Variants in ATPAF2 observed in about 807,000 individuals in gnomAD.
ATPAF2 encodes ATP synthase mitochondrial F1 complex assembly factor 2.
In ATPAF2, 30 loss-of-function variants were observed where a neutral mutation model predicts 36.6. The observed-to-expected ratio is 0.82, with a 90% CI of 0.61 to 1.11. The LOEUF is 1.11. Ranked by LOEUF, ATPAF2 falls within the 50% of genes most tolerant of loss-of-function variation. ATPAF2 has a pLI of 0.00. For missense variants in ATPAF2, 321 were observed against 372.3 expected (o/e 0.86, Z 1.13); for synonymous variants, 140 against 152.6 (o/e 0.92, Z 0.61).
downstream of ATPAF2, chr17:18,016,517 T>C: frequency 2.9e-6 from 4 of 1,367,390 alleles, no homozygotes; most frequent in East Asian, 4.6e-5. Context: ...TATTAACCAA[T>C]GATCTGATGT....
In ATPAF2 at chr17:18,018,447, C is replaced by A. The variant is rs1597663507; in HGVS notation, c.*102G>T. ...TCAGGGTGACGCTGAGGCCGAGTCC[C>A]CAAAAGCCAAGGAAGCCAGCCCCAC... On this transcript the variant is annotated 3_prime_UTR_variant, in exon 8 of 8. Transcript: ENST00000474627. 6.4e-7 allele frequency: 1 copy of A among 1,554,466 alleles called. No individual in the cohort carries two copies. Among genetic ancestry groups the A allele is most frequent in the African/African-American group, 1.4e-5 (1 of 73,834 alleles).
intron 4 of ATPAF2, chr17:18,026,022 C>T: frequency 2.0e-6 from 1 of 505,396 alleles, no homozygotes; most frequent in Non-Finnish European, 3.6e-6. Flanking sequence ...GTCACAGGCC[C>T]CCCTAGGCCT....
chr17:18,033,569 C>G (rs1240703101), intron 1 of ATPAF2, among the ~76,000 whole-genome samples: 1 of 151,998 alleles, frequency 6.6e-6, no homozygotes, highest in Non-Finnish European at 1.5e-5. Flanking sequence ...TCATGCAGAA[C>G]TGGCCTTTCC....
At chr17:18,017,305 C>T (rs1373752115), downstream of ATPAF2, among the ~76,000 whole-genome samples, 1 of 150,750 alleles carries the variant, frequency 6.6e-6, no homozygotes, top group African/African-American at 2.4e-5. Context: ...CAGCTAGATT[C>T]TTGGCTGTGG....
intron 1 of ATPAF2, 129 bp from the exon 2 acceptor site, chr17:18,028,788 G>A: frequency 2.2e-6 from 2 of 890,264 alleles, no homozygotes; most frequent in South Asian, 1.3e-5. Context: ...CCCATTCAAG[G>A]TCTGCCCTAC....
Position 18,026,382 on chromosome 17 carries a change from G to A in ATPAF2, c.359C>T (p.Thr120Ile), listed in dbSNP as rs757081360. The change falls in exon 4 of 8, where the codon ACC becomes ATC. Residue 120 changes from threonine to isoleucine, a missense_variant. By Grantham distance (89) the Thr-to-Ile change is moderately conservative. Coordinates refer to ENST00000474627, the MANE Select transcript of ATPAF2 (RefSeq NM_145691.4). ...TLCNTSLDNPTQRNKDQLIRA... is the reference protein window; with the variant it reads ...TLCNTSLDNPIQRNKDQLIRA... ...GATCAGCTGATCCTTGTTTCTCTGG[G>A]TTGGGTTGTCCAATGATGTGTTGCA... 3 of 1,614,106 alleles carry A rather than the reference G, an allele frequency of 1.9e-6. No homozygotes were observed. The highest frequency in any genetic ancestry group is 1.3e-5 in the African/African-American group (1 of 74,936).
intron 5 of ATPAF2, among the ~76,000 whole-genome samples, chr17:18,023,071 G>C (rs1044255774): frequency 4.0e-5 from 6 of 149,994 alleles, no homozygotes; most frequent in Admixed American, 3.4e-4. Flanking sequence ...GGAGCTTGCA[G>C]TGAGCTGAGA....
At chr17:18,019,490 G>A (rs997903576) in intron 7 of ATPAF2, among the ~76,000 whole-genome samples, 7 of 152,270 alleles carry the variant, frequency 4.6e-5, no homozygotes, top group East Asian at 1.9e-4. Flanking sequence ...GTAAGGCCAC[G>A]CAGTGGCTTC....
chr17:18,025,537 A>C (rs2044531029), intron 4 of ATPAF2: 1 of 154,894 alleles, frequency 6.5e-6, no homozygotes, highest in African/African-American at 2.4e-5. Flanking sequence ...CTCTCACCCT[A>C]GTAGGGCACA....
intron 1 of ATPAF2, among the ~76,000 whole-genome samples, chr17:18,037,581 T>G (rs1213881708): frequency 6.6e-6 from 1 of 151,342 alleles, no homozygotes; most frequent in African/African-American, 2.4e-5. Context: ...AGACTCCGTC[T>G]CAAAAAAACA....
chr17:18,033,425 A>C, intron 1 of ATPAF2, among the ~76,000 whole-genome samples: 1 of 151,824 alleles, frequency 6.6e-6, no homozygotes. Flanking sequence ...GTTCCCCAAC[A>C]ATGTCACATA....
In ATPAF2 at chr17:18,028,679, A is replaced by T. The variant is rs1427052997; in HGVS notation, c.134-20T>A. 15 of 1,612,614 alleles carry T rather than the reference A, an allele frequency of 9.3e-6. No individual in the cohort carries two copies. Among genetic ancestry groups the T allele is most frequent in the Non-Finnish European group, 1.3e-5 (15 of 1,179,266 alleles). On this transcript the variant is annotated intron_variant, in intron 1 of 7. Coordinates refer to ENST00000474627, the MANE Select transcript of ATPAF2 (RefSeq NM_145691.4). ...TCCTTTCTGTAAGAAAGATTTTTCAAAGAGGCAGTTTAAAATAACGTTGAG... is the reference window on the plus strand; with the variant it reads ...TCCTTTCTGTAAGAAAGATTTTTCATAGAGGCAGTTTAAAATAACGTTGAG...
chr17:18,021,015 G>A, intron 7 of ATPAF2, 108 bp downstream of exon 7: 1 of 1,486,356 alleles, frequency 6.7e-7, no homozygotes, highest in East Asian at 2.5e-5. Flanking sequence ...GTACATAAAA[G>A]TAATAAAAGC....
At chr17:18,027,361 T>A (rs1251890499) in intron 3 of ATPAF2, among the ~76,000 whole-genome samples, 1 of 152,120 alleles carries the variant, frequency 6.6e-6, no homozygotes, top group African/African-American at 2.4e-5. Context: ...CAGGCTGTGA[T>A]GTTGGGAGGA....
At chr17:18,025,079 C>T in intron 4 of ATPAF2, 1 of 351,360 alleles carries the variant, frequency 2.8e-6, no homozygotes, top group Non-Finnish European at 5.5e-6. Context: ...CATCCTAAAG[C>T]AGATCCAATC....
intron 1 of ATPAF2, among the ~76,000 whole-genome samples, chr17:18,031,536 T>C (rs1169982549): frequency 6.6e-6 from 1 of 151,908 alleles, no homozygotes; most frequent in Non-Finnish European, 1.5e-5. Flanking sequence ...ATCCCAGCAC[T>C]TTGGGGGGCT....
chr17:18,021,988 A>AG, intron 5 of ATPAF2, 131 bp from the exon 6 acceptor site: 1 of 783,386 alleles, frequency 1.3e-6, no homozygotes, highest in Non-Finnish European at 2.2e-6. Flanking sequence ...TCTTGACTAC[A>AG]GGAGCAACTG....
chr17:18,015,232 T>G (rs2044314002), downstream of ATPAF2: 1 of 152,246 alleles, frequency 6.6e-6, no homozygotes, highest in African/African-American at 2.4e-5. Context: ...CAGAACGTTT[T>G]AGAGACCATT....
At chr17:18,036,188 G>A (rs572497405) in intron 1 of ATPAF2, among the ~76,000 whole-genome samples, 78 of 152,258 alleles carry the variant, frequency 5.1e-4, no homozygotes, top group Non-Finnish European at 7.8e-4. Flanking sequence ...GCTGACTGAA[G>A]TGTTCATTGA....
Sources: gnomAD v4.1 joint callset for allele counts (sites outside exome capture counted in the v4.1 genomes callset) on GRCh38, gnomAD v4.1.1 for gene constraint, MANE v1.5 for transcripts, NCBI Gene and HGNC (gene_info 2026-07-23, HGNC 2026-07-21) for gene names.